NRXN3: variants seen among roughly 807,000 people sequenced by gnomAD.
The protein encoded by NRXN3 is neurexin III.
A neutral mutation model predicts 137.6 loss-of-function variants in NRXN3; 32 were observed. The ratio of observed to expected loss-of-function variants is 0.23; its 90% confidence interval spans 0.18 to 0.31. NRXN3 has a LOEUF of 0.31. Among genes scored for constraint, NRXN3 ranks in the 10% least tolerant of loss-of-function variants. The pLI is 1.00. For synonymous variants in NRXN3, 798 were observed against 784.5 expected, an observed-to-expected ratio of 1.02 and a Z score of -0.29; for missense variants, 1,574 against 2,062.5, an observed-to-expected ratio of 0.76 and a Z score of 4.59.
At chr14:78,285,116 A>G (rs535156040) in intron 3 of NRXN3, among the ~76,000 whole-genome samples, 2 of 152,256 alleles carry the variant, frequency 1.3e-5, no homozygotes, top group South Asian at 2.1e-4. Context: ...GAATCAGATG[A>G]CCTTTCAGGC....
intron 19 of NRXN3, among the ~76,000 whole-genome samples, chr14:79,786,960 C>T (rs1344879228): frequency 6.6e-6 from 1 of 152,172 alleles, no homozygotes; most frequent in African/African-American, 2.4e-5. Flanking sequence ...ATAGGTTCCT[C>T]CTATCTGCTG....
Position 78,242,783 on chromosome 14 carries a change from G to A in NRXN3, c.-311G>A, listed in dbSNP as rs537889833. ...ACATGGATAGCTGAGATCTTTTCTT[G>A]GAGAAAGACGCTTTCCTCTTTACTC... On this transcript the variant is annotated 5_prime_UTR_variant, in exon 2 of 21. Coordinates refer to ENST00000335750, the MANE Select transcript of NRXN3 (RefSeq NM_001330195.2). 4 of 352,564 alleles carry A rather than the reference G, an allele frequency of 1.1e-5. No individual in the cohort carries two copies. The South Asian group carries it at 3.3e-4, about 29-fold the overall frequency. 21.8% of individuals were successfully genotyped at this position (352,564 alleles called of 1,614,324 possible).
intron 19 of NRXN3, among the ~76,000 whole-genome samples, chr14:79,754,091 G>A (rs2099008961): frequency 6.6e-6 from 1 of 152,036 alleles, no homozygotes; most frequent in Admixed American, 6.6e-5. Context: ...GGAGGCCGAG[G>A]CAGGTGGATC....
chr14:79,098,388 T>G (rs1354242468), intron 15 of NRXN3, among the ~76,000 whole-genome samples: 1 of 152,218 alleles, frequency 6.6e-6, no homozygotes, highest in African/African-American at 2.4e-5. Flanking sequence ...TGCATTTTCT[T>G]CTCTAATTAG....
intron 4 of NRXN3, among the ~76,000 whole-genome samples, chr14:78,465,492 C>T (rs2095071795): frequency 6.6e-6 from 1 of 152,070 alleles, no homozygotes; most frequent in African/African-American, 2.4e-5. Flanking sequence ...AAAGAAATAT[C>T]ACAAGTGATG....
chr14:78,474,489 A>C (rs1021885264), intron 4 of NRXN3, among the ~76,000 whole-genome samples: 4 of 69,594 alleles, frequency 5.7e-5, no homozygotes, highest in African/African-American at 2.1e-4. Context: ...TTTGGAACCC[A>C]CTGTGCTGGC....
chr14:79,365,745 G>C (rs56118415), intron 15 of NRXN3, among the ~76,000 whole-genome samples: 1 of 114,150 alleles, frequency 8.8e-6, no homozygotes, highest in African/African-American at 3.2e-5. Context: ...AAAAAAAAAA[G>C]AAAAAAAAGA....
At position 79,582,728 on chromosome 14, in the gene NRXN3, A is replaced by C. The variant is rs1448541742; in HGVS notation, c.3445-81050A>C. 2.0e-5 allele frequency among the ~76,000 whole-genome samples: 3 copies of C among 152,174 alleles called. No individual in the cohort carries two copies. In the East Asian group the frequency reaches 5.8e-4, roughly 29 times the overall value. ...GTCCCCACTGGATTTGATCTTTACAAATTAATATTAGCACTTGTTAACTAA... is the reference window on the plus strand; with the variant it reads ...GTCCCCACTGGATTTGATCTTTACACATTAATATTAGCACTTGTTAACTAA... On this transcript the variant is annotated intron_variant, in intron 16 of 20. Transcript: ENST00000335750.
chr14:78,662,458 C>T (rs2097849470), intron 6 of NRXN3, among the ~76,000 whole-genome samples: 1 of 151,970 alleles, frequency 6.6e-6, no homozygotes, highest in South Asian at 2.1e-4. Context: ...AAGCTGGGTA[C>T]TTAACATAAG....
At chr14:78,861,625 C>G (rs1423316290) in intron 10 of NRXN3, among the ~76,000 whole-genome samples, 2 of 152,122 alleles carry the variant, frequency 1.3e-5, no homozygotes, top group African/African-American at 4.8e-5. Context: ...TGTAAATAGA[C>G]ATACATGATG....
intron 16 of NRXN3, among the ~76,000 whole-genome samples, chr14:79,620,387 T>A (rs1009745148): frequency 1.2e-4 from 19 of 152,222 alleles, no homozygotes; most frequent in African/African-American, 4.3e-4. Flanking sequence ...GTGTTTTAAG[T>A]AGAAATGTGA....
At chr14:78,627,194 C>T (rs1237786453) in intron 4 of NRXN3, among the ~76,000 whole-genome samples, 2 of 137,228 alleles carry the variant, frequency 1.5e-5, no homozygotes, top group Non-Finnish European at 3.1e-5. Flanking sequence ...TTTCAATTTC[C>T]CTCTTCTTTC....
intron 15 of NRXN3, among the ~76,000 whole-genome samples, chr14:79,090,848 T>G (rs934641815): frequency 1.3e-5 from 2 of 152,158 alleles, no homozygotes; most frequent in Non-Finnish European, 2.9e-5. Flanking sequence ...CTGTCATGGA[T>G]GTTGACTGAA....
chr14:79,624,439 GTATA>G (rs5809946), intron 16 of NRXN3, among the ~76,000 whole-genome samples: 1 of 150,084 alleles, frequency 6.7e-6, no homozygotes, highest in African/African-American at 2.4e-5. Context: ...CTCCATATAT[GTATA>G]TATATATATA....
At chr14:78,317,793 C>A (rs528700617) in intron 4 of NRXN3, among the ~76,000 whole-genome samples, 1 of 152,082 alleles carries the variant, frequency 6.6e-6, no homozygotes, top group Admixed American at 6.6e-5. Context: ...CTTTTCAACT[C>A]GACACTCATC....
intron 15 of NRXN3, among the ~76,000 whole-genome samples, chr14:79,305,083 G>A (rs1200142502): frequency 6.6e-6 from 1 of 151,952 alleles, no homozygotes; most frequent in African/African-American, 2.4e-5. Context: ...GTAACCTTGG[G>A]CAAGTTTCTT....
intron 6 of NRXN3, among the ~76,000 whole-genome samples, chr14:78,706,368 C>T (rs2098349380): frequency 6.6e-6 from 1 of 152,196 alleles, no homozygotes; most frequent in African/African-American, 2.4e-5. Flanking sequence ...CAATATTTCC[C>T]TTTGCACATG....
At chr14:79,068,256 A>C (rs1223661419) in intron 15 of NRXN3, among the ~76,000 whole-genome samples, 1 of 152,116 alleles carries the variant, frequency 6.6e-6, no homozygotes, top group Non-Finnish European at 1.5e-5. Flanking sequence ...GTTTATTATA[A>C]AAGAGAAAGA....
intron 1 of NRXN3, among the ~76,000 whole-genome samples, chr14:78,192,860 G>A (rs2060878038): frequency 6.6e-6 from 1 of 152,182 alleles, no homozygotes; most frequent in Admixed American, 6.5e-5. Flanking sequence ...CTTAAAAGAA[G>A]TTACCATTAA....
Sources: allele counts gnomAD v4.1 joint callset (sites outside exome capture counted in the v4.1 genomes callset), GRCh38; gene constraint gnomAD v4.1.1; transcripts MANE v1.5; gene names NCBI Gene and HGNC (gene_info 2026-07-23, HGNC 2026-07-21).